The following ZFHX3 variants were observed in gnomAD, a reference collection of about 807,000 sequenced individuals.
The protein encoded by ZFHX3 is zinc finger homeobox protein 3.
In ZFHX3, 42 loss-of-function variants were observed where a neutral mutation model predicts 279.1. The observed-to-expected ratio is 0.15, with a 90% confidence interval of 0.12 to 0.19. The LOEUF (loss-of-function observed/expected upper bound fraction) is 0.19, where lower values mean the gene tolerates loss of function less well. Ranked by LOEUF, ZFHX3 falls within the 10% of genes least tolerant of loss-of-function variation. The pLI is 1.00. For synonymous variants in ZFHX3, 2,293 were observed against 1,957.8 expected, an observed-to-expected ratio of 1.17 and a Z score of -4.52; for missense variants, 4,981 against 4,754.0, an observed-to-expected ratio of 1.05 and a Z score of -1.40.
At chr16:72,811,302 T>G (rs1378352408) in intron 7 of ZFHX3, among the ~76,000 whole-genome samples, 1 of 152,206 alleles carries the variant, frequency 6.6e-6, no homozygotes, top group African/African-American at 2.4e-5. Flanking sequence ...TAATGATTTC[T>G]TCATATAAAT....
chr16:73,850,203 T>G (rs989194968), intron 1 of ZFHX3, among the ~76,000 whole-genome samples: 8 of 152,236 alleles, frequency 5.3e-5, no homozygotes, highest in Non-Finnish European at 1.2e-4. Flanking sequence ...CCGTGGGTTT[T>G]GAAGTCAAAT....
chr16:72,816,925 A>G (rs2036623651), intron 5 of ZFHX3, among the ~76,000 whole-genome samples: 1 of 152,234 alleles, frequency 6.6e-6, no homozygotes, highest in South Asian at 2.1e-4. Context: ...TAGAAGTATT[A>G]AACCTCTAAA....
chr16:72,811,790 C>T lies in ZFHX3; in HGVS notation c.3664-13G>A. 1 of 1,610,308 alleles carries T rather than the reference C, an allele frequency of 6.2e-7. No homozygotes were observed. The highest frequency in any genetic ancestry group is 8.5e-7 in the Non-Finnish European group (1 of 1,177,450). ...GACACTGGTACATCTGTGGGGAACA[C>T]ACCCACTGCTTTGAGCAACTGTGTG... On this transcript the variant is annotated splice_polypyrimidine_tract_variant and intron_variant, in intron 6 of 9. Transcript: ENST00000268489.
At chr16:73,256,785 C>A (rs2013672369) in intron 5 of ZFHX3, among the ~76,000 whole-genome samples, 1 of 152,174 alleles carries the variant, frequency 6.6e-6, no homozygotes, top group African/African-American at 2.4e-5. Flanking sequence ...GGATGATAAG[C>A]AACATTTAAT....
At chr16:73,638,298 A>G (rs1467949432) in intron 2 of ZFHX3, among the ~76,000 whole-genome samples, 1 of 152,214 alleles carries the variant, frequency 6.6e-6, no homozygotes, top group Non-Finnish European at 1.5e-5. Flanking sequence ...TTAACCATAT[A>G]CATATATTTA....
At chr16:73,228,500 G>A (rs1351254891) in intron 5 of ZFHX3, among the ~76,000 whole-genome samples, 2 of 151,938 alleles carry the variant, frequency 1.3e-5, no homozygotes, top group Non-Finnish European at 2.9e-5. Context: ...TCATCTCTAC[G>A]AAAAATACAA....
chr16:73,359,791 G>C (rs973817843), intron 3 of ZFHX3, among the ~76,000 whole-genome samples: 4 of 152,212 alleles, frequency 2.6e-5, no homozygotes, highest in Non-Finnish European at 5.9e-5. Flanking sequence ...AAGGTCAAGG[G>C]AACATTGATT....
chr16:73,509,440 A>T (rs1027824156), intron 2 of ZFHX3, among the ~76,000 whole-genome samples: 1 of 149,628 alleles, frequency 6.7e-6, no homozygotes, highest in Non-Finnish European at 1.5e-5. Flanking sequence ...GTTCTGCATG[A>T]TGTGGGCTCT....
At chr16:73,469,158 T>C (rs990323660) in intron 2 of ZFHX3, among the ~76,000 whole-genome samples, 3 of 152,238 alleles carry the variant, frequency 2.0e-5, no homozygotes, top group African/African-American at 2.4e-5. Flanking sequence ...CCTTGATAGA[T>C]AATCTGAACC....
At chr16:73,090,739 C>A (rs1183966) in intron 8 of ZFHX3, among the ~76,000 whole-genome samples, 1,630 of 145,916 alleles carry the variant, frequency 0.011, 15 homozygotes, top group South Asian at 0.018. Context: ...AAAAAAAAAA[C>A]AAAACAAAAA....
At chr16:73,226,338 C>T (rs1417089473) in intron 5 of ZFHX3, among the ~76,000 whole-genome samples, 20 of 152,220 alleles carry the variant, frequency 1.3e-4, no homozygotes, top group Admixed American at 1.2e-3. Context: ...GAAACGGCTT[C>T]GTCCTACATC....
chr16:72,882,990 G>GTGTGTGTA (rs2038528093), intron 4 of ZFHX3, among the ~76,000 whole-genome samples: 1 of 86,136 alleles, frequency 1.2e-5, no homozygotes, highest in East Asian at 2.8e-4. Flanking sequence ...GTGTGTGTGT[G>GTGTGTGTA]TGTGTGTGTG....
chr16:73,729,113 T>C (rs1411405195), intron 1 of ZFHX3, among the ~76,000 whole-genome samples: 1 of 152,088 alleles, frequency 6.6e-6, no homozygotes, highest in African/African-American at 2.4e-5. Flanking sequence ...TTCTGAAGGG[T>C]AGTCTGCCCA....
At chr16:73,510,358 G>T (rs9938355) in intron 2 of ZFHX3, among the ~76,000 whole-genome samples, 72,325 of 151,716 alleles carry the variant, frequency 0.48, 17,715 homozygotes, top group East Asian at 0.64. Flanking sequence ...TAGATAAAAG[G>T]GCTTAATATA....
intron 5 of ZFHX3, among the ~76,000 whole-genome samples, chr16:73,220,984 T>C (rs1431917582): frequency 1.3e-5 from 2 of 152,160 alleles, no homozygotes; most frequent in Admixed American, 6.6e-5. Flanking sequence ...TGGGGAAAGC[T>C]GTAGAGCTGG....
intron 1 of ZFHX3, among the ~76,000 whole-genome samples, chr16:73,684,017 G>A (rs1477385641): frequency 6.6e-6 from 1 of 152,186 alleles, no homozygotes; most frequent in Non-Finnish European, 1.5e-5. Flanking sequence ...AACATTGCCA[G>A]GCACAGTGGC....
chr16:73,223,752 A>G (rs2012499943), intron 5 of ZFHX3, among the ~76,000 whole-genome samples: 2 of 152,224 alleles, frequency 1.3e-5, no homozygotes, highest in Admixed American at 6.5e-5. Flanking sequence ...ACCTGCACAC[A>G]GATGTTTATA....
chr16:73,738,918 A>G (rs1274988024), intron 1 of ZFHX3, among the ~76,000 whole-genome samples: 6 of 152,132 alleles, frequency 3.9e-5, no homozygotes, highest in African/African-American at 7.2e-5. Flanking sequence ...CCTCTGATGT[A>G]CTTCCAGAAG....
intron 3 of ZFHX3, chr16:73,401,371 A>AACACACACACACACAAACAC (rs1555514059): frequency 3.3e-5 from 4 of 120,848 alleles, no homozygotes; most frequent in Non-Finnish European, 6.7e-5. Flanking sequence ...CAAAAAACAA[A>AACACACACACACACAAACAC]ACACACACAC....
Sources: allele counts gnomAD v4.1 joint callset (sites outside exome capture counted in the v4.1 genomes callset), GRCh38; gene constraint gnomAD v4.1.1; transcripts MANE v1.5; gene names NCBI Gene and HGNC (gene_info 2026-07-23, HGNC 2026-07-21).